The following RIMS2 variants were observed in gnomAD, a reference collection of about 807,000 sequenced individuals.
RIMS2 encodes the protein regulating synaptic membrane exocytosis protein 2.
In RIMS2, 59 loss-of-function variants were observed where a neutral mutation model predicts 174.4. That is an observed-to-expected ratio of 0.34 (90% CI 0.27 to 0.42). The LOEUF is 0.42. RIMS2 is among the 10% of genes least tolerant of loss of function. RIMS2 has a pLI of 1.00. For missense variants in RIMS2, 1,620 were observed against 1,666.3 expected (o/e 0.97, Z 0.48); for synonymous variants, 606 against 572.5 (o/e 1.06, Z -0.84).
At chr8:104,144,712 AC>A (rs1284040186) in intron 19 of RIMS2, among the ~76,000 whole-genome samples, 1 of 152,144 alleles carries the variant, frequency 6.6e-6, no homozygotes, top group East Asian at 1.9e-4. Context: ...ATTTTTCTGA[AC>A]ACATAATTTT....
chr8:103,546,747 A>G (rs1287531020), intron 1 of RIMS2, among the ~76,000 whole-genome samples: 1 of 152,144 alleles, frequency 6.6e-6, no homozygotes, highest in Non-Finnish European at 1.5e-5. Flanking sequence ...CCATTCAGCC[A>G]TGGGATGTGC....
chr8:103,786,642 G>A (rs2098446301), intron 3 of RIMS2, among the ~76,000 whole-genome samples: 1 of 152,108 alleles, frequency 6.6e-6, no homozygotes, highest in Non-Finnish European at 1.5e-5. Flanking sequence ...GAGATAGTTT[G>A]TTATAATTTC....
intron 19 of RIMS2, among the ~76,000 whole-genome samples, chr8:104,144,487 A>G (rs2098612926): frequency 6.6e-6 from 1 of 152,102 alleles, no homozygotes; most frequent in Non-Finnish European, 1.5e-5. Flanking sequence ...GCGATGTTGG[A>G]CCTTGATTGC....
rs372232008 is a variant in RIMS2 at position 103,899,877 on chromosome 8, A to G, written c.1625-10257A>G. 3.4e-3 allele frequency among the ~76,000 whole-genome samples: 512 copies of G among 151,878 alleles called. 14 individuals are homozygous for G. The highest frequency in any genetic ancestry group is 0.012 in the African/African-American group (485 of 41,162). On this transcript the variant is annotated intron_variant, in intron 4 of 23. Transcript: ENST00000504942. ...GGTCTAACATTTAAGTCTTTAATCC[A>G]TCTTGAATTAATTTTTGTATAAGGT...
intron 3 of RIMS2, among the ~76,000 whole-genome samples, chr8:103,838,875 C>T (rs186785054): frequency 2.0e-5 from 3 of 152,156 alleles, no homozygotes; most frequent in Admixed American, 6.5e-5. Flanking sequence ...ACCATCCTGG[C>T]TAACACGGTG....
intron 13 of RIMS2, among the ~76,000 whole-genome samples, chr8:103,936,923 G>A (rs1014291463): frequency 5.3e-5 from 8 of 151,916 alleles, no homozygotes; most frequent in African/African-American, 9.7e-5. Context: ...GTGAAACCCC[G>A]TCTCTACTAC....
intron 19 of RIMS2, among the ~76,000 whole-genome samples, chr8:104,145,618 G>C (rs1352010985): frequency 6.6e-6 from 1 of 151,056 alleles, no homozygotes; most frequent in Admixed American, 6.6e-5. Context: ...CTGAGGTCAG[G>C]AGTTCAAGAC....
At chr8:104,217,416 G>C (rs573259706) in intron 19 of RIMS2, among the ~76,000 whole-genome samples, 1 of 151,888 alleles carries the variant, frequency 6.6e-6, no homozygotes, top group East Asian at 1.9e-4. Context: ...CTACAGGCAC[G>C]CACCACCACA....
downstream of RIMS2, chr8:104,256,031 C>G: frequency 1.3e-5 from 2 of 152,242 alleles, no homozygotes; most frequent in East Asian, 3.9e-4. Context: ...GGGCAGAGAC[C>G]GTATCTTCAG....
chr8:103,806,871 C>G (rs901545257), intron 3 of RIMS2, among the ~76,000 whole-genome samples: 2 of 151,966 alleles, frequency 1.3e-5, no homozygotes, highest in Non-Finnish European at 2.9e-5. Context: ...AGGTTAATTC[C>G]TAGATAAATC....
At chr8:103,894,438 T>C (rs556648213) in intron 4 of RIMS2, among the ~76,000 whole-genome samples, 1 of 151,748 alleles carries the variant, frequency 6.6e-6, no homozygotes, top group South Asian at 2.1e-4. Flanking sequence ...ATGACTAATC[T>C]GCAGTATAAT....
intron 17 of RIMS2, among the ~76,000 whole-genome samples, chr8:104,010,034 A>G (rs531805861): frequency 1.3e-5 from 2 of 152,080 alleles, no homozygotes; most frequent in South Asian, 4.2e-4. Context: ...GGACGGACGG[A>G]CGGATGACAG....
chr8:104,022,082 T>C (rs1270424105), intron 19 of RIMS2, among the ~76,000 whole-genome samples: 1 of 152,058 alleles, frequency 6.6e-6, no homozygotes, highest in Non-Finnish European at 1.5e-5. Context: ...AAAGACCATA[T>C]TAGGTTTACA....
chr8:103,577,343 A>G (rs529242414), intron 1 of RIMS2, among the ~76,000 whole-genome samples: 2 of 152,244 alleles, frequency 1.3e-5, no homozygotes, highest in Admixed American at 6.5e-5. Context: ...ATCACTGGTC[A>G]TCAGAGAAAT....
intron 19 of RIMS2, among the ~76,000 whole-genome samples, chr8:104,164,868 G>T (rs1177305363): frequency 6.6e-6 from 1 of 152,052 alleles, no homozygotes; most frequent in African/African-American, 2.4e-5. Context: ...CTTAATACCT[G>T]GGTGATGAAA....
rs147116333 is a variant in RIMS2, at chr8:103,815,859, A to T, written c.698+49322A>T. Among the ~76,000 whole-genome samples the T allele has an allele frequency of 4.2e-3, 646 of 152,278 alleles. 4 individuals are homozygous for T. The highest frequency in any genetic ancestry group is 0.015 in the African/African-American group (615 of 41,562). ...TAATTTATAAAATGCATTGGTACAC[A>T]TGAGATTTTAATACAGTAATTTCCC... On this transcript the variant is annotated intron_variant, in intron 3 of 23. Coordinates refer to ENST00000504942, the Ensembl canonical transcript of RIMS2.
chr8:104,208,398 T>C (rs1315034877), intron 19 of RIMS2, among the ~76,000 whole-genome samples: 3 of 151,906 alleles, frequency 2.0e-5, no homozygotes, highest in African/African-American at 7.3e-5. Context: ...TGAAACCCTG[T>C]CTCTACTAAA....
intron 15 of RIMS2, among the ~76,000 whole-genome samples, chr8:103,965,318 A>G (rs990542018): frequency 6.6e-6 from 1 of 151,994 alleles, no homozygotes; most frequent in Admixed American, 6.6e-5. Flanking sequence ...TTTTTATTTC[A>G]TTCATCAGAG....
intron 4 of RIMS2, among the ~76,000 whole-genome samples, chr8:103,908,656 C>T (rs1422904386): frequency 6.6e-6 from 1 of 152,086 alleles, no homozygotes; most frequent in Non-Finnish European, 1.5e-5. Context: ...TTTCTTAACA[C>T]TGTTATTTCT....
Sources: gnomAD v4.1 joint callset for allele counts (sites outside exome capture counted in the v4.1 genomes callset) on GRCh38, gnomAD v4.1.1 for gene constraint, MANE v1.5 for transcripts, NCBI Gene and HGNC (gene_info 2026-07-23, HGNC 2026-07-21) for gene names.